SCN11A: variants seen among roughly 807,000 people sequenced by gnomAD.
SCN11A encodes the protein sodium voltage-gated channel alpha subunit 11, also known as sodium channel protein type 11 subunit alpha.
SCN11A carries 122 observed loss-of-function variants against 162.2 expected under a neutral mutation model. The observed-to-expected ratio is 0.75, with a 90% confidence interval of 0.65 to 0.87. The LOEUF (loss-of-function observed/expected upper bound fraction) is 0.87, where lower values mean the gene tolerates loss of function less well. Ranked by LOEUF, SCN11A falls within the 40% of genes least tolerant of loss-of-function variation. SCN11A has a pLI of 0.00. For synonymous variants in SCN11A, 758 were observed against 751.5 expected (o/e 1.01, Z -0.14); for missense variants, 2,015 against 2,181.6 (o/e 0.92, Z 1.52).
intron 2 of SCN11A, among the ~76,000 whole-genome samples, chr3:38,966,799 T>C (rs2066785207): frequency 6.6e-6 from 1 of 152,220 alleles, no homozygotes; most frequent in Non-Finnish European, 1.5e-5. Context: ...ATTATTCTCC[T>C]TGGCTTCTGT....
At chr3:39,002,988 T>C (rs2125599240) in intron 2 of SCN11A, among the ~76,000 whole-genome samples, 1 of 152,300 alleles carries the variant, frequency 6.6e-6, no homozygotes. Flanking sequence ...ACCCAACTAG[T>C]AGGGAGTAAA....
rs2066499822 is a variant in SCN11A, at chr3:38,945,338, AG to A, written c.488+72del. On this transcript the variant is annotated intron_variant, in intron 7 of 29. Coordinates refer to ENST00000302328, the MANE Select transcript of SCN11A (RefSeq NM_001349253.2). Reference sequence around the variant, plus strand: ...TATTAGTGACTTTTTCTTTCTCTCCAGTGTAATCATTAACTGTCTTAGGTAT... The same window carrying A: ...TATTAGTGACTTTTTCTTTCTCTCCATGTAATCATTAACTGTCTTAGGTAT... The A allele has an allele frequency of 1.3e-5, 12 of 920,958 alleles. 2 individuals are homozygous for A. In the South Asian group the frequency reaches 1.8e-4, roughly 14 times the overall value. 57.0% of individuals were successfully genotyped at this position (920,958 alleles called of 1,614,324 possible). A position where few individuals can be genotyped will look rare whatever the true frequency, so the allele number is the denominator to read the frequency against.
intron 2 of SCN11A, among the ~76,000 whole-genome samples, chr3:39,020,053 T>C (rs1165297527): frequency 3.3e-5 from 5 of 152,236 alleles, no homozygotes; most frequent in Non-Finnish European, 7.3e-5. Flanking sequence ...TTTTTCTGAC[T>C]ATATGATTTT....
intron 2 of SCN11A, among the ~76,000 whole-genome samples, chr3:38,999,288 C>T (rs1009885489): frequency 6.6e-6 from 1 of 152,122 alleles, no homozygotes; most frequent in African/African-American, 2.4e-5. Context: ...ATTCTTAGGA[C>T]AGGAAGTTGA....
chr3:38,985,051 A>G (rs901421140), intron 2 of SCN11A, among the ~76,000 whole-genome samples: 1 of 150,424 alleles, frequency 6.6e-6, no homozygotes, highest in Non-Finnish European at 1.5e-5. Flanking sequence ...TTTGTGATAC[A>G]ATGAAAGCCA....
Position 39,017,818 on chromosome 3 carries a change from G to C in SCN11A, c.-280+14562C>G, listed in dbSNP as rs760723979. Among the ~76,000 whole-genome samples the C allele has an allele frequency of 2.0e-5, 3 of 152,026 alleles. No homozygotes were observed. In the South Asian group the frequency reaches 6.2e-4, roughly 32 times the overall value. On this transcript the variant is annotated intron_variant, in intron 2 of 29. Transcript: ENST00000302328. Reference sequence around the variant, plus strand: ...ATTATAATACCTATGGCACTTCTGCGTGGTTTTGATTGAACAATTTATCTC... The same window carrying C: ...ATTATAATACCTATGGCACTTCTGCCTGGTTTTGATTGAACAATTTATCTC...
rs773777175 is a variant in SCN11A at position 38,896,925 on chromosome 3, C to A, written c.2323G>T (p.Glu775Ter). Reference protein sequence around the residue: ...LCGEWIENMWECMQEANASSS... With the variant: ...LCGEWIENMW ...GATGCATTCGCTTCTTGCATACATT[C>A]CCACATATTTTCGATCCATTCCCCG... Residue 775 changes from glutamate to a stop codon, truncating the protein, a stop_gained, in exon 18 of 30, where the codon GAA becomes TAA. Coordinates refer to ENST00000302328, the MANE Select transcript of SCN11A (RefSeq NM_001349253.2). LOFTEE classifies it high-confidence loss of function. The A allele has an allele frequency of 6.2e-7, 1 of 1,613,466 alleles. No individual in the cohort carries two copies. Among genetic ancestry groups the A allele is most frequent in the Non-Finnish European group, 8.5e-7 (1 of 1,179,934 alleles).
rs749668756 is a variant in SCN11A, at chr3:38,910,062, T to C, written c.1101+4A>G. 2 of 1,613,316 alleles carry C rather than the reference T, an allele frequency of 1.2e-6. No homozygotes were observed. The highest frequency in any genetic ancestry group is 1.1e-5 in the South Asian group (1 of 91,026). On this transcript the variant is annotated splice_donor_region_variant and intron_variant, in intron 12 of 29. Transcript: ENST00000302328. The stretch of plus-strand genomic sequence containing the variant: ...AGGAAAAAGAGAGACTATAAATAGA[T>C]AACCTGTTGATAAAGCTTCTCCCAG...
chr3:39,050,407 C>T (rs1466796334), intron 1 of SCN11A, among the ~76,000 whole-genome samples: 1 of 152,206 alleles, frequency 6.6e-6, no homozygotes, highest in Non-Finnish European at 1.5e-5. Flanking sequence ...TCCCCAACAC[C>T]TAATATAGTG....
At chr3:38,912,290 A>G (rs73828713) in intron 11 of SCN11A, among the ~76,000 whole-genome samples, 2,416 of 152,138 alleles carry the variant, frequency 0.016, 65 homozygotes, top group African/African-American at 0.056. Context: ...CAGGTGATTA[A>G]GCCTCTCCGC....
chr3:39,028,794 G>A (rs1408041540), intron 2 of SCN11A, among the ~76,000 whole-genome samples: 2 of 152,134 alleles, frequency 1.3e-5, no homozygotes. Flanking sequence ...ATCCAGTCCC[G>A]TTGGAGCAAG....
chr3:38,968,290 A>G (rs149943283), intron 2 of SCN11A, among the ~76,000 whole-genome samples: 12 of 152,312 alleles, frequency 7.9e-5, no homozygotes, highest in African/African-American at 2.6e-4. Context: ...CAAAATTCCT[A>G]GGGAAGGGAC....
At chr3:38,987,301 T>TCACACA (rs1371784796) in intron 2 of SCN11A, among the ~76,000 whole-genome samples, 32 of 113,594 alleles carry the variant, frequency 2.8e-4, no homozygotes, top group Non-Finnish European at 4.3e-4. Context: ...TCTCTCTCTC[T>TCACACA]CTCACACACA....
At chr3:38,963,474 G>GATAT (rs1247492814) in intron 2 of SCN11A, among the ~76,000 whole-genome samples, 3 of 132,038 alleles carry the variant, frequency 2.3e-5, no homozygotes, top group Non-Finnish European at 3.2e-5. Flanking sequence ...ATATGATGGA[G>GATAT]ATATATATAT....
chr3:38,923,009 AGAGAG>A (rs1235693279), intron 9 of SCN11A, among the ~76,000 whole-genome samples: 2 of 152,192 alleles, frequency 1.3e-5, no homozygotes, highest in African/African-American at 4.8e-5. Flanking sequence ...AGTAAAGAAA[AGAGAG>A]GAAAGGGGAA....
intron 16 of SCN11A, 66 bp from the exon 17 acceptor site, chr3:38,900,139 A>T: frequency 4.8e-6 from 6 of 1,239,556 alleles, no homozygotes; most frequent in Non-Finnish European, 7.0e-6. Flanking sequence ...GAATGGCCCA[A>T]GGGAAGTACA....
intron 8 of SCN11A, among the ~76,000 whole-genome samples, chr3:38,926,475 T>G (rs1342784749): frequency 6.6e-6 from 1 of 151,558 alleles, no homozygotes; most frequent in East Asian, 1.9e-4. Context: ...TTCATAAGAT[T>G]GAAAACCATG....
chr3:38,981,954 A>C (rs754249527), intron 2 of SCN11A, among the ~76,000 whole-genome samples: 1 of 151,898 alleles, frequency 6.6e-6, no homozygotes, highest in Non-Finnish European at 1.5e-5. Context: ...CAGTGAGCCA[A>C]GATCCCAAGG....
intron 1 of SCN11A, among the ~76,000 whole-genome samples, 119 bp downstream of exon 1, chr3:39,051,742 C>A (rs577603591): frequency 6.6e-6 from 1 of 152,100 alleles, no homozygotes; most frequent in Non-Finnish European, 1.5e-5. Flanking sequence ...CGGAAAAGAG[C>A]GCAAGCCAGG....
Sources: allele counts gnomAD v4.1 joint callset (sites outside exome capture counted in the v4.1 genomes callset), GRCh38; gene constraint gnomAD v4.1.1; transcripts MANE v1.5; gene names NCBI Gene and HGNC (gene_info 2026-07-23, HGNC 2026-07-21).